Variants in TMPRSS9 observed in about 807,000 individuals in gnomAD.
TMPRSS9 encodes transmembrane serine protease 9.
A neutral mutation model predicts 111.4 loss-of-function variants in TMPRSS9; 113 were observed. That is an observed-to-expected ratio of 1.01 (90% confidence interval 0.87 to 1.19). TMPRSS9 has a LOEUF of 1.19. TMPRSS9 is among the 50% of genes most tolerant of loss of function. The pLI is 0.00. For missense variants in TMPRSS9, 1,803 were observed against 1,513.1 expected (o/e 1.19, Z -3.18); for synonymous variants, 805 against 659.1 (o/e 1.22, Z -3.39).
chr19:2,403,825 C>T (rs534525548), intron 6 of TMPRSS9, among the ~76,000 whole-genome samples: 1 of 152,104 alleles, frequency 6.6e-6, no homozygotes, highest in South Asian at 2.1e-4. Flanking sequence ...AACCCCCTCT[C>T]TACTAAAAAT....
chr19:2,396,671 G>T lies in TMPRSS9; in HGVS notation c.270+5G>T. ...ACGCCCACCCTGGAGGCACTGGTGA[G>T]GGTGGTCTGTGTTTGGGGGCCAGGG... On this transcript the variant is annotated splice_donor_5th_base_variant and intron_variant, in intron 2 of 17. Coordinates refer to ENST00000648592, the Ensembl canonical transcript of TMPRSS9. 6.2e-7 allele frequency: 1 copy of T among 1,604,108 alleles called. No homozygotes were observed. The highest frequency in any genetic ancestry group is 8.5e-7 in the Non-Finnish European group (1 of 1,173,752).
chr19:2,396,164 C>G (rs1056066143), intron 1 of TMPRSS9: 1 of 179,150 alleles, frequency 5.6e-6, no homozygotes, highest in East Asian at 1.5e-4. Flanking sequence ...GAGGTTACGC[C>G]CTGAAGTCAG....
intron 4 of TMPRSS9, among the ~76,000 whole-genome samples, chr19:2,399,537 T>C (rs978138621): frequency 2.6e-5 from 4 of 152,152 alleles, no homozygotes; most frequent in African/African-American, 4.8e-5. Context: ...GATCGTGCCA[T>C]TGCACTCCAG....
intron 13 of TMPRSS9, among the ~76,000 whole-genome samples, chr19:2,418,368 C>T (rs1208971786): frequency 1.6e-5 from 1 of 63,480 alleles, no homozygotes; most frequent in Admixed American, 1.5e-4. Context: ...CCTCCCTTCC[C>T]TTCCCTCCCT....
At chr19:2,400,188 A>G (rs961876599) in intron 4 of TMPRSS9, among the ~76,000 whole-genome samples, 1 of 152,250 alleles carries the variant, frequency 6.6e-6, no homozygotes, top group Non-Finnish European at 1.5e-5. Context: ...GATTTGGCCT[A>G]TGGCCGTAGT....
intron 15 of TMPRSS9, 141 bp from the exon 17 acceptor site, chr19:2,424,861 G>A (rs1371481084): frequency 1.8e-6 from 2 of 1,093,312 alleles, no homozygotes; most frequent in East Asian, 3.4e-5. Context: ...GGGAGACTGA[G>A]CCCATTCCCA....
chr19:2,418,289 T>TTCCCTC (rs1971310675), intron 13 of TMPRSS9, 151 bp downstream of exon 14: 1 of 694,994 alleles, frequency 1.4e-6, no homozygotes, highest in Non-Finnish European at 2.1e-6. Context: ...TTTCCTTTCC[T>TTCCCTC]CCTTTCCTTC....
At chr19:2,422,105 A>G (rs1394868432) in exon 14 of TMPRSS9, 2 of 1,602,058 alleles carry the variant, frequency 1.2e-6, no homozygotes, top group Admixed American at 1.7e-5. Flanking sequence ...CGGGGGCCAC[A>G]CCCAGCAGAC....
At chr19:2,361,227 CTGGGGTGGGAGGT>C (rs1479129745) in intron 1 of TMPRSS9, among the ~76,000 whole-genome samples, 1 of 35,144 alleles carries the variant, frequency 2.8e-5, no homozygotes. Context: ...GGGTGGGAGG[CTGGGGTGGGAGGT>C]GGGGCTGGGG....
chr19:2,401,633 A>G lies in TMPRSS9; in HGVS notation c.515-342A>G, dbSNP rs995768472. Among the ~76,000 whole-genome samples, 13 of 151,546 alleles carry G rather than the reference A, an allele frequency of 8.6e-5. No individual in the cohort carries two copies. In the South Asian group the frequency reaches 1.9e-3, roughly 22 times the overall value. On this transcript the variant is annotated intron_variant, in intron 4 of 17. Transcript: ENST00000648592. ...TCTTTTTTCTTTTTTTTTGAGATGGAGTCTCGCTCTGTCGCCCAGGCTGGA... is the reference window on the plus strand; with the variant it reads ...TCTTTTTTCTTTTTTTTTGAGATGGGGTCTCGCTCTGTCGCCCAGGCTGGA...
rs147095833 is a variant in TMPRSS9 at position 2,392,589 on chromosome 19, C to T, written c.142+2662C>T. Reference sequence around the variant, plus strand: ...AGGGCCGGGCGAAGCCAGCTGGGCTCCTGAGTCGAGTGGGGACTTGAAGAA... The same window carrying T: ...AGGGCCGGGCGAAGCCAGCTGGGCTTCTGAGTCGAGTGGGGACTTGAAGAA... On this transcript the variant is annotated intron_variant, in intron 1 of 17. Coordinates refer to ENST00000648592, the Ensembl canonical transcript of TMPRSS9. Among the ~76,000 whole-genome samples, 541 of 152,272 alleles carry T rather than the reference C, an allele frequency of 3.6e-3. 7 individuals are homozygous for T. Among genetic ancestry groups the T allele is most frequent in the African/African-American group, 0.012 (498 of 41,570 alleles).
chr19:2,398,640 C>T (rs980939134), intron 2 of TMPRSS9, among the ~76,000 whole-genome samples, 155 bp from the exon 4 acceptor site: 30 of 151,962 alleles, frequency 2.0e-4, no homozygotes, highest in African/African-American at 6.3e-4. Context: ...TACATACATA[C>T]GTACATATAG....
intron 5 of TMPRSS9, among the ~76,000 whole-genome samples, 196 bp from the exon 7 acceptor site, chr19:2,402,886 C>T (rs1387602188): frequency 2.0e-5 from 3 of 152,126 alleles, no homozygotes; most frequent in South Asian, 2.1e-4. Context: ...GCTGTGATTG[C>T]ACCACTGCAC....
intron 4 of TMPRSS9, among the ~76,000 whole-genome samples, chr19:2,401,732 C>T (rs558835189): frequency 2.0e-4 from 31 of 151,800 alleles, no homozygotes; most frequent in Admixed American, 4.6e-4. Context: ...CTCAGCCTCC[C>T]GAGTAGCTGG....
exon 16 of TMPRSS9, chr19:2,425,056 C>T (rs757533448): frequency 1.3e-6 from 2 of 1,565,064 alleles, no homozygotes; most frequent in Non-Finnish European, 1.7e-6. Context: ...TCCTGAGCGG[C>T]GCGGAGGGGC....
Position 2,403,071 on chromosome 19 carries a change from T to C in TMPRSS9, c.557-11T>C, listed in dbSNP as rs758459683. ...CATGAGGTCAGAAAGTCGGTTCTTTTCTGTCCTCAGGCCGCTGTCCAGGGA... is the reference window on the plus strand; with the variant it reads ...CATGAGGTCAGAAAGTCGGTTCTTTCCTGTCCTCAGGCCGCTGTCCAGGGA... On this transcript the variant is annotated splice_polypyrimidine_tract_variant and intron_variant, in intron 5 of 17. Transcript: ENST00000648592. 14 of 1,600,284 alleles carry C rather than the reference T, an allele frequency of 8.7e-6. No individual in the cohort carries two copies. In the Admixed American group the frequency reaches 1.4e-4, roughly 16 times the overall value.
At chr19:2,410,113 C>A in intron 8 of TMPRSS9, 145 bp from the exon 10 acceptor site, 1 of 1,176,636 alleles carries the variant, frequency 8.5e-7, no homozygotes, top group Non-Finnish European at 1.2e-6. Flanking sequence ...TTTGTAGTTT[C>A]AGAGCCATGT....
At chr19:2,405,420 C>G in exon 7 of TMPRSS9, 1 of 1,606,564 alleles carries the variant, frequency 6.2e-7, no homozygotes, top group African/African-American at 1.3e-5. Flanking sequence ...GGATCGTGGG[C>G]GGCATGGAAG....
intron 4 of TMPRSS9, 46 bp downstream of exon 5, chr19:2,399,239 G>A: frequency 6.5e-7 from 1 of 1,535,426 alleles, no homozygotes; most frequent in Non-Finnish European, 8.7e-7. Context: ...GGAGGCTGGA[G>A]TGGGGCAGGA....
Sources: allele counts gnomAD v4.1 joint callset (sites outside exome capture counted in the v4.1 genomes callset), GRCh38; gene constraint gnomAD v4.1.1; transcripts MANE v1.5; gene names NCBI Gene and HGNC (gene_info 2026-07-23, HGNC 2026-07-21).